The following WDPCP variants were observed in gnomAD, a reference collection of about 807,000 sequenced individuals.
WDPCP encodes the protein WD repeat-containing and planar cell polarity effector protein fritz homolog.
A neutral mutation model predicts 93.1 loss-of-function variants in WDPCP; 71 were observed. That is an observed-to-expected ratio of 0.76 (90% CI 0.63 to 0.93). WDPCP has a LOEUF of 0.93. WDPCP is among the 40% of genes least tolerant of loss of function. The probability of loss-of-function intolerance (pLI) is 0.00; values close to 1 mark genes in which losing one functional copy is unlikely to be tolerated. For synonymous variants in WDPCP, 315 were observed against 315.0 expected (o/e 1.00, Z 0.00); for missense variants, 844 against 887.4 (o/e 0.95, Z 0.62).
chr2:63,650,282 C>T (rs1710094296), intron 3 of WDPCP, among the ~76,000 whole-genome samples: 1 of 152,204 alleles, frequency 6.6e-6, no homozygotes. Context: ...AAACTCAGGA[C>T]ACTGTTGGGG....
intron 1 of WDPCP, among the ~76,000 whole-genome samples, chr2:63,516,646 T>A (rs906139581): frequency 1.3e-4 from 1 of 7,656 alleles, no homozygotes; most frequent in Non-Finnish European, 1.7e-4. Flanking sequence ...CCACCTTGGA[T>A]GGAAATCCAC....
intron 1 of WDPCP, chr2:63,518,239 ATCT>A (rs1466262411): frequency 6.6e-6 from 1 of 152,246 alleles, no homozygotes; most frequent in Non-Finnish European, 1.5e-5. Flanking sequence ...CCTCTTTCTG[ATCT>A]TCAGAGGGAA....
chr2:63,174,865 C>T (rs373072802), intron 14 of WDPCP, 33 bp from the exon 15 acceptor site: 7 of 1,605,130 alleles, frequency 4.4e-6, no homozygotes, highest in East Asian at 4.5e-5. Flanking sequence ...GAGTGAAATA[C>T]TAAGTACAAT....
chr2:63,616,722 C>T (rs1038341684), intron 3 of WDPCP, among the ~76,000 whole-genome samples: 7 of 151,602 alleles, frequency 4.6e-5, no homozygotes, highest in African/African-American at 1.5e-4. Flanking sequence ...CAGCAACCCA[C>T]GTGGAGAAGA....
intron 14 of WDPCP, among the ~76,000 whole-genome samples, chr2:63,189,907 C>T (rs2104208729): frequency 6.6e-6 from 1 of 152,044 alleles, no homozygotes; most frequent in South Asian, 2.1e-4. Context: ...TGTATCTCTA[C>T]CAGTAAATGG....
chr2:63,834,519 GC>G, the WDPCP span, among the ~76,000 whole-genome samples: 1 of 152,080 alleles, frequency 6.6e-6, no homozygotes, highest in Non-Finnish European at 1.5e-5. Flanking sequence ...ATGACTTAAC[GC>G]TGTGAAGCAT....
intron 13 of WDPCP, among the ~76,000 whole-genome samples, chr2:63,295,380 C>T (rs4428008): frequency 0.81 from 123,095 of 152,006 alleles, 50,624 homozygotes; most frequent in East Asian, 0.96. Context: ...CTCAACTATA[C>T]GCTGTAAGAG....
chr2:63,633,290 C>T (rs932578911), intron 3 of WDPCP, among the ~76,000 whole-genome samples: 3 of 152,122 alleles, frequency 2.0e-5, no homozygotes, highest in East Asian at 1.9e-4. Context: ...AAGTATGAAA[C>T]TGACTGGTAA....
intron 10 of WDPCP, among the ~76,000 whole-genome samples, chr2:63,395,733 T>C (rs1432543752): frequency 7.2e-5 from 11 of 152,148 alleles, no homozygotes; most frequent in Non-Finnish European, 1.0e-4. Context: ...CATTGAACTG[T>C]ACTTTTTTTT....
chr2:63,316,227 ATTAAGTTAATGGC>A (rs1158893489), intron 12 of WDPCP, among the ~76,000 whole-genome samples: 1 of 152,226 alleles, frequency 6.6e-6, no homozygotes, highest in Non-Finnish European at 1.5e-5. Context: ...TACACAGGGA[ATTAAGTTAATGGC>A]TAAGAATTTC....
intron 14 of WDPCP, among the ~76,000 whole-genome samples, chr2:63,190,573 A>C (rs539765943): frequency 8.3e-4 from 126 of 152,302 alleles, no homozygotes; most frequent in Admixed American, 5.6e-3. Context: ...AGTGGCAGCA[A>C]CTTAATATGG....
chr2:63,501,394 T>A (rs765824483), intron 1 of WDPCP, among the ~76,000 whole-genome samples: 2 of 152,046 alleles, frequency 1.3e-5, no homozygotes, highest in Admixed American at 6.5e-5. Flanking sequence ...TCAGACCCTG[T>A]CTCTACAAAA....
chr2:63,446,723 T>C (rs1697891677), intron 6 of WDPCP, among the ~76,000 whole-genome samples: 1 of 152,196 alleles, frequency 6.6e-6, no homozygotes, highest in African/African-American at 2.4e-5. Context: ...GCTATCACTT[T>C]GATGACTAAT....
chr2:63,232,342 T>G (rs1213387398), intron 14 of WDPCP: 1 of 152,182 alleles, frequency 6.6e-6, no homozygotes, highest in African/African-American at 2.4e-5. Context: ...TATTCCAGCA[T>G]ACAGAGTTTC....
At position 63,265,834 on chromosome 2, in the gene WDPCP, C is replaced by G. The variant is rs79136663; in HGVS notation, c.1813-6425G>C. On this transcript the variant is annotated intron_variant, in intron 13 of 17. Coordinates refer to ENST00000272321, the MANE Select transcript of WDPCP (RefSeq NM_015910.7). The stretch of plus-strand genomic sequence containing the variant: ...TCACCATGATGAAGTGGTATTTATC[C>G]CAGAAACGCAAGTATGGTTCAACAT... 9.3e-4 allele frequency among the ~76,000 whole-genome samples: 142 copies of G among 152,152 alleles called. 4 individuals are homozygous for G. The East Asian group carries it at 0.026, about 27-fold the overall frequency.
intron 2 of WDPCP, among the ~76,000 whole-genome samples, chr2:63,803,847 T>C (rs1670727303): frequency 6.6e-6 from 1 of 152,212 alleles, no homozygotes; most frequent in South Asian, 2.1e-4. Flanking sequence ...AGAACATGAA[T>C]ACACATAATT....
chr2:63,293,348 C>G (rs1684588651), intron 13 of WDPCP, among the ~76,000 whole-genome samples: 1 of 152,110 alleles, frequency 6.6e-6, no homozygotes, highest in Admixed American at 6.6e-5. Context: ...CTTTGGCCCA[C>G]AGTCAGCCTA....
At chr2:63,591,215 A>G (rs866017984), upstream of WDPCP, among the ~76,000 whole-genome samples, 14 of 152,342 alleles carry the variant, frequency 9.2e-5, no homozygotes, top group Non-Finnish European at 1.6e-4. Flanking sequence ...ATAGTAACCT[A>G]TGTTCACACT....
chr2:63,493,798 T>C (rs993372404), intron 1 of WDPCP, among the ~76,000 whole-genome samples: 1 of 152,168 alleles, frequency 6.6e-6, no homozygotes, highest in Non-Finnish European at 1.5e-5. Context: ...ATTTATGTTA[T>C]ACTACATATT....
Sources: allele counts gnomAD v4.1 joint callset (sites outside exome capture counted in the v4.1 genomes callset), GRCh38; gene constraint gnomAD v4.1.1; transcripts MANE v1.5; gene names NCBI Gene and HGNC (gene_info 2026-07-23, HGNC 2026-07-21).